The following GRM7 variants were observed in gnomAD, a reference collection of about 807,000 sequenced individuals.
GRM7 encodes the protein metabotropic glutamate receptor 7.
Under a neutral mutation model 84.5 loss-of-function variants are expected in GRM7, and 35 were observed. That is an observed-to-expected ratio of 0.41 (90% CI 0.32 to 0.55). The LOEUF (loss-of-function observed/expected upper bound fraction) is 0.55, where lower values mean the gene tolerates loss of function less well. GRM7 is among the 20% of genes least tolerant of loss of function. GRM7 has a pLI of 0.19. For synonymous variants in GRM7, 487 were observed against 455.1 expected, an observed-to-expected ratio of 1.07 and a Z score of -0.89; for missense variants, 1,003 against 1,194.6, an observed-to-expected ratio of 0.84 and a Z score of 2.36.
chr3:6,891,772 G>A (rs934422425), intron 1 of GRM7, among the ~76,000 whole-genome samples: 6 of 152,122 alleles, frequency 3.9e-5, no homozygotes, highest in African/African-American at 1.4e-4. Flanking sequence ...GAATCTGAAT[G>A]TTGGCCTGCC....
intron 2 of GRM7, among the ~76,000 whole-genome samples, chr3:7,182,246 G>C (rs1206786466): frequency 6.6e-6 from 1 of 152,060 alleles, no homozygotes; most frequent in Non-Finnish European, 1.5e-5. Flanking sequence ...AAATAAAAGA[G>C]TATCCTAATG....
At chr3:6,985,086 T>C (rs1694360190) in intron 1 of GRM7, among the ~76,000 whole-genome samples, 2 of 152,128 alleles carry the variant, frequency 1.3e-5, no homozygotes, top group South Asian at 4.1e-4. Context: ...TTTTTTAAAT[T>C]TTTGTAGGTA....
chr3:7,579,060 C>T lies in GRM7; in HGVS notation c.2154C>T (p.Phe718=), dbSNP rs1466073561. Residue 718 remains phenylalanine (F), a synonymous_variant, in exon 8 of 10, where the codon TTC becomes TTT. Transcript: ENST00000357716. ...TATCAGTTCAGCTTCTAGGGGTGTTCATTTGGTTTGGTGTTGATCCACCCA... is the reference window on the plus strand; with the variant it reads ...TATCAGTTCAGCTTCTAGGGGTGTTTATTTGGTTTGGTGTTGATCCACCCA... ...SLISVQLLGV[F]IWFGVDPPNI... 12 of 1,613,962 alleles carry T rather than the reference C, an allele frequency of 7.4e-6. No individual in the cohort carries two copies. The South Asian group carries it at 1.2e-4, about 16-fold the overall frequency.
At chr3:7,235,821 TAAAAC>T (rs1697330442) in intron 2 of GRM7, among the ~76,000 whole-genome samples, 1 of 152,188 alleles carries the variant, frequency 6.6e-6, no homozygotes, top group African/African-American at 2.4e-5. Context: ...GTGAGAGAAA[TAAAAC>T]AAGCTTTGAA....
At chr3:6,889,388 T>C (rs1231806458) in intron 1 of GRM7, among the ~76,000 whole-genome samples, 2 of 152,110 alleles carry the variant, frequency 1.3e-5, no homozygotes, top group Non-Finnish European at 2.9e-5. Flanking sequence ...TAGCTCTTAT[T>C]ATTTTGAGAT....
intron 2 of GRM7, among the ~76,000 whole-genome samples, chr3:7,289,762 A>G (rs1222173133): frequency 6.6e-6 from 1 of 151,580 alleles, no homozygotes; most frequent in Non-Finnish European, 1.5e-5. Context: ...ACAGGGACAA[A>G]AAAACAAACA....
At chr3:7,103,313 C>T (rs1326631236) in intron 1 of GRM7, among the ~76,000 whole-genome samples, 1 of 151,660 alleles carries the variant, frequency 6.6e-6, no homozygotes, top group Admixed American at 6.6e-5. Flanking sequence ...GAAGTCTGGT[C>T]CAAAAGTGGC....
chr3:7,031,836 C>T (rs139517536), intron 1 of GRM7, among the ~76,000 whole-genome samples: 1 of 152,174 alleles, frequency 6.6e-6, no homozygotes, highest in African/African-American at 2.4e-5. Context: ...CAAGGCCAAG[C>T]ACAAACAGGC....
At chr3:7,672,160 A>G (rs559791888) in intron 8 of GRM7, among the ~76,000 whole-genome samples, 2 of 152,252 alleles carry the variant, frequency 1.3e-5, no homozygotes, top group East Asian at 3.9e-4. Flanking sequence ...ATACTTTAGC[A>G]AAAACCCTCA....
At chr3:7,340,097 A>G (rs1008115728) in intron 4 of GRM7, among the ~76,000 whole-genome samples, 5 of 152,144 alleles carry the variant, frequency 3.3e-5, no homozygotes, top group African/African-American at 1.2e-4. Flanking sequence ...ATCTCACATC[A>G]CAGTCACTAG....
In GRM7 at chr3:7,386,815, T is replaced by C. The variant is rs540950436; in HGVS notation, c.1034-28208T>C. On this transcript the variant is annotated intron_variant, in intron 4 of 9. Coordinates refer to ENST00000357716, the MANE Select transcript of GRM7 (RefSeq NM_000844.4). Reference sequence around the variant, plus strand: ...TTGGGACTATTTGGTCAAATGGTAATTCTGTTTCTTGTCCTTTGAGATTTT... The same window carrying C: ...TTGGGACTATTTGGTCAAATGGTAACTCTGTTTCTTGTCCTTTGAGATTTT... 2.0e-4 allele frequency among the ~76,000 whole-genome samples: 31 copies of C among 152,328 alleles called. No homozygotes were observed. In the South Asian group the frequency reaches 5.0e-3, roughly 24 times the overall value.
chr3:7,058,593 G>T (rs1170037228), intron 1 of GRM7, among the ~76,000 whole-genome samples: 1 of 151,830 alleles, frequency 6.6e-6, no homozygotes, highest in Non-Finnish European at 1.5e-5. Context: ...TGTTAGAAAT[G>T]CTTGTTCCTC....
intron 7 of GRM7, among the ~76,000 whole-genome samples, chr3:7,482,394 C>A (rs752703432): frequency 2.0e-5 from 3 of 152,054 alleles, no homozygotes; most frequent in African/African-American, 7.2e-5. Context: ...AGTGTAGCTG[C>A]AGATAGGAGG....
At chr3:7,182,896 G>GTTTTTTT (rs5846493) in intron 2 of GRM7, among the ~76,000 whole-genome samples, 1 of 110,746 alleles carries the variant, frequency 9.0e-6, no homozygotes, top group Non-Finnish European at 1.8e-5. Context: ...ACGTGAAAGT[G>GTTTTTTT]TTTTTTTTTT....
At chr3:7,414,603 T>C (rs1696082350) in intron 4 of GRM7, among the ~76,000 whole-genome samples, 1 of 152,166 alleles carries the variant, frequency 6.6e-6, no homozygotes, top group East Asian at 1.9e-4. Flanking sequence ...ACCTACAACC[T>C]CTTCAAAAAC....
At chr3:7,542,837 C>T (rs1692953812) in intron 7 of GRM7, among the ~76,000 whole-genome samples, 1 of 152,160 alleles carries the variant, frequency 6.6e-6, no homozygotes, top group Admixed American at 6.5e-5. Context: ...TGAGCCACTG[C>T]ACCCAGCCCA....
At chr3:7,192,607 G>A (rs922224368) in intron 2 of GRM7, among the ~76,000 whole-genome samples, 8 of 151,982 alleles carry the variant, frequency 5.3e-5, no homozygotes, top group East Asian at 1.9e-4. Flanking sequence ...GGCCATTGAC[G>A]CTCTTCTCTC....
chr3:7,329,949 A>G (rs1701136806), intron 4 of GRM7, among the ~76,000 whole-genome samples: 1 of 152,100 alleles, frequency 6.6e-6, no homozygotes, highest in Non-Finnish European at 1.5e-5. Flanking sequence ...CATTTTGAGG[A>G]TGTTACATGA....
chr3:7,372,280 G>C (rs1694171310), intron 4 of GRM7, among the ~76,000 whole-genome samples: 1 of 152,190 alleles, frequency 6.6e-6, no homozygotes, highest in Admixed American at 6.5e-5. Flanking sequence ...AGACGTTTGT[G>C]TGTATTTTCT....
Sources: gnomAD v4.1 joint callset for allele counts (sites outside exome capture counted in the v4.1 genomes callset) on GRCh38, gnomAD v4.1.1 for gene constraint, MANE v1.5 for transcripts, NCBI Gene and HGNC (gene_info 2026-07-23, HGNC 2026-07-21) for gene names.